CNTNAP2: variants seen among roughly 807,000 people sequenced by gnomAD.
The protein encoded by CNTNAP2 is contactin associated protein 2.
In CNTNAP2, 98 loss-of-function variants were observed where a neutral mutation model predicts 155.2. The ratio of observed to expected loss-of-function variants is 0.63; its 90% CI spans 0.54 to 0.75. CNTNAP2 has a LOEUF of 0.75. Ranked by LOEUF, CNTNAP2 falls within the 30% of genes least tolerant of loss-of-function variation. CNTNAP2 has a pLI of 0.00. For missense variants in CNTNAP2, 1,727 were observed against 1,688.1 expected, an observed-to-expected ratio of 1.02 and a Z score of -0.40; for synonymous variants, 651 against 631.2, an observed-to-expected ratio of 1.03 and a Z score of -0.47.
chr7:147,014,607 A>C lies in CNTNAP2; in HGVS notation c.403-29300A>C, dbSNP rs1375012487. 4.6e-5 allele frequency among the ~76,000 whole-genome samples: 7 copies of C among 152,266 alleles called. No individual in the cohort carries two copies. In the East Asian group the frequency reaches 1.4e-3, roughly 29 times the overall value. ...TCTCTTTGGTTTAACATAATGTTCA[A>C]ATCCGAAAGCCTGCTTTGCTCACCA... is the stretch of plus-strand genomic sequence containing the variant. On this transcript the variant is annotated intron_variant, in intron 3 of 23. Coordinates refer to ENST00000361727, the MANE Select transcript of CNTNAP2 (RefSeq NM_014141.6).
intron 8 of CNTNAP2, among the ~76,000 whole-genome samples, chr7:147,219,247 G>C (rs1803342615): frequency 6.6e-6 from 1 of 152,156 alleles, no homozygotes; most frequent in East Asian, 1.9e-4. Flanking sequence ...GAGTTTATTA[G>C]GATAATTGAC....
chr7:147,276,651 G>C (rs78052659), intron 8 of CNTNAP2, among the ~76,000 whole-genome samples: 1,633 of 152,122 alleles, frequency 0.011, 30 homozygotes, highest in African/African-American at 0.037. Context: ...GTTTTCTACT[G>C]TAACAGCATA....
At chr7:148,283,237 C>G (rs1438451902) in intron 21 of CNTNAP2, among the ~76,000 whole-genome samples, 4 of 15,010 alleles carry the variant, frequency 2.7e-4, no homozygotes, top group African/African-American at 6.2e-4. Context: ...GCAACTCTGT[C>G]TCAAAAAAAA....
At chr7:147,653,460 C>T (rs781191047) in intron 13 of CNTNAP2, among the ~76,000 whole-genome samples, 1 of 152,192 alleles carries the variant, frequency 6.6e-6, no homozygotes, top group African/African-American at 2.4e-5. Flanking sequence ...CTGATACAGA[C>T]ATGAAATTCA....
At chr7:146,859,619 G>A (rs113197492) in intron 3 of CNTNAP2, among the ~76,000 whole-genome samples, 20 of 151,694 alleles carry the variant, frequency 1.3e-4, no homozygotes, top group African/African-American at 2.9e-4. Flanking sequence ...ATCGCACACC[G>A]TTGCACTCCA....
intron 9 of CNTNAP2, among the ~76,000 whole-genome samples, chr7:147,313,228 T>G (rs541066457): frequency 6.6e-6 from 1 of 152,286 alleles, no homozygotes; most frequent in South Asian, 2.1e-4. Context: ...CCCACTCTGC[T>G]GGTAGTTTCT....
chr7:148,340,361 T>C (rs1360602968), intron 21 of CNTNAP2, among the ~76,000 whole-genome samples: 1 of 152,208 alleles, frequency 6.6e-6, no homozygotes, highest in East Asian at 1.9e-4. Context: ...CTTGAATCAT[T>C]ACGTTACATT....
chr7:146,804,281 G>C (rs1411029041), intron 2 of CNTNAP2, among the ~76,000 whole-genome samples: 1 of 152,054 alleles, frequency 6.6e-6, no homozygotes. Context: ...TGATTTATTT[G>C]ATAGAAATAC....
chr7:146,483,280 A>ATATAT (rs1796994258), intron 1 of CNTNAP2, among the ~76,000 whole-genome samples: 1 of 54,478 alleles, frequency 1.8e-5, no homozygotes, highest in Non-Finnish European at 3.5e-5. Flanking sequence ...CGTCTAAAAA[A>ATATAT]AAATATATAT....
intron 3 of CNTNAP2, among the ~76,000 whole-genome samples, chr7:147,037,499 T>C (rs1201003370): frequency 6.7e-6 from 1 of 149,726 alleles, no homozygotes; most frequent in Non-Finnish European, 1.5e-5. Flanking sequence ...TTCGCTCTTG[T>C]TGTCCAGGCC....
intron 11 of CNTNAP2, among the ~76,000 whole-genome samples, chr7:147,516,395 G>C (rs1022191928): frequency 6.6e-6 from 1 of 152,138 alleles, no homozygotes; most frequent in African/African-American, 2.4e-5. Flanking sequence ...GTGTTAAAAT[G>C]CTGGTTAATT....
intron 1 of CNTNAP2, among the ~76,000 whole-genome samples, chr7:146,506,382 T>A (rs1797385558): frequency 1.3e-5 from 2 of 152,208 alleles, no homozygotes. Flanking sequence ...CCCAGATATC[T>A]TACATAGACA....
chr7:148,346,111 C>A (rs925277045), intron 21 of CNTNAP2, among the ~76,000 whole-genome samples: 1 of 152,106 alleles, frequency 6.6e-6, no homozygotes, highest in African/African-American at 2.4e-5. Context: ...GATGGAGACC[C>A]CTTCATCCTT....
intron 3 of CNTNAP2, among the ~76,000 whole-genome samples, chr7:147,034,870 G>C (rs538198851): frequency 1.3e-5 from 2 of 152,288 alleles, no homozygotes; most frequent in Admixed American, 1.3e-4. Context: ...GGTTTTTGTA[G>C]GCACAGGATG....
chr7:146,727,789 G>T (rs35346551), intron 1 of CNTNAP2, among the ~76,000 whole-genome samples: 1 of 151,966 alleles, frequency 6.6e-6, no homozygotes, highest in Non-Finnish European at 1.5e-5. Flanking sequence ...GATTTTATTC[G>T]CTCTGTAAAT....
At chr7:146,663,583 C>T (rs1477741801) in intron 1 of CNTNAP2, among the ~76,000 whole-genome samples, 1 of 151,824 alleles carries the variant, frequency 6.6e-6, no homozygotes, top group African/African-American at 2.4e-5. Context: ...CATTTTTAAG[C>T]CCACATATTT....
chr7:147,372,402 A>G (rs1005843730), intron 9 of CNTNAP2, among the ~76,000 whole-genome samples: 3 of 152,042 alleles, frequency 2.0e-5, no homozygotes, highest in Non-Finnish European at 4.4e-5. Context: ...TGGCCTTTCT[A>G]TTTTAAAACA....
At chr7:148,054,472 T>TA (rs1802970686) in intron 15 of CNTNAP2, among the ~76,000 whole-genome samples, 1 of 90,986 alleles carries the variant, frequency 1.1e-5, no homozygotes, top group Non-Finnish European at 2.2e-5. Flanking sequence ...TTTTTTTTTT[T>TA]ACAGAGCTGG....
rs373336119 is a variant in CNTNAP2 at position 146,644,014 on chromosome 7, A to G, written c.98-130257A>G. Among the ~76,000 whole-genome samples the G allele has an allele frequency of 6.7e-4, 102 of 152,274 alleles. 2 individuals are homozygous for G. In the East Asian group the frequency reaches 0.018, roughly 27 times the overall value. On this transcript the variant is annotated intron_variant, in intron 1 of 23. Coordinates refer to ENST00000361727, the MANE Select transcript of CNTNAP2 (RefSeq NM_014141.6). ...TGTGATTTTTGTAGATTGATTTTGTATCCTGAGACTTTGCTGAAGTTGCTT... is the reference window on the plus strand; with the variant it reads ...TGTGATTTTTGTAGATTGATTTTGTGTCCTGAGACTTTGCTGAAGTTGCTT...
Sources: allele counts gnomAD v4.1 joint callset (sites outside exome capture counted in the v4.1 genomes callset), GRCh38; gene constraint gnomAD v4.1.1; transcripts MANE v1.5; gene names NCBI Gene and HGNC (gene_info 2026-07-23, HGNC 2026-07-21).